The following ACOT6 variants were observed in gnomAD, a reference collection of about 807,000 sequenced individuals.
ACOT6 encodes the protein acyl-CoA thioesterase 6, also known as acyl-coenzyme A thioesterase 6.
In ACOT6, 14 loss-of-function variants were observed where a neutral mutation model predicts 12.3. That is an observed-to-expected ratio of 1.14 (90% CI 0.75 to 1.78). The LOEUF (loss-of-function observed/expected upper bound fraction) is 1.78. ACOT6 is among the 40% of genes most tolerant of loss of function. ACOT6 has a pLI of 0.00. For synonymous variants in ACOT6, 218 were observed against 231.3 expected, an observed-to-expected ratio of 0.94 and a Z score of 0.52; for missense variants, 523 against 551.8, an observed-to-expected ratio of 0.95 and a Z score of 0.52.
intron 1 of ACOT6, among the ~76,000 whole-genome samples, chr14:73,613,329 A>G (rs1044203643): frequency 6.6e-6 from 1 of 151,972 alleles, no homozygotes; most frequent in Non-Finnish European, 1.5e-5. Context: ...CACTTTAGCT[A>G]TGTGCTGAAT....
In ACOT6 at chr14:73,612,645, G is replaced by A. The variant is rs1477949708; in HGVS notation, c.74G>A (p.Gly25Asp). The change falls in exon 1 of 3, where the codon GGC becomes GAC. Residue 25 changes from glycine to aspartate, a missense_variant. By Grantham distance (94) the Gly-to-Asp change is moderately conservative (BLOSUM62 -1). This residue lies in a region of ACOT6 where 304 missense variants were observed against 274.8 expected (regional missense o/e 1.11). Transcript: ENST00000645972. ...WDEPLRIAVR[G>D]LAPEQPVTLR... ...GAGCCGCTGCGCATCGCAGTGCGCG[G>A]CCTGGCCCCGGAGCAGCCAGTCACG... is the stretch of plus-strand genomic sequence containing the variant. 3 of 1,404,782 alleles carry A rather than the reference G, an allele frequency of 2.1e-6. No individual in the cohort carries two copies. The highest frequency in any genetic ancestry group is 3.0e-5 in the African/African-American group (2 of 66,466). 87.0% of individuals were successfully genotyped at this position (1,404,782 alleles called of 1,614,324 possible).
At chr14:73,617,988 C>CA (rs1740127159) in intron 2 of ACOT6, among the ~76,000 whole-genome samples, 5 of 151,642 alleles carry the variant, frequency 3.3e-5, no homozygotes. Flanking sequence ...ACTAAAGATA[C>CA]AAAAATTAGC....
chr14:73,615,413 AAC>A (rs1566870610), intron 1 of ACOT6, among the ~76,000 whole-genome samples: 978 of 77,170 alleles, frequency 0.013, 179 homozygotes, highest in African/African-American at 0.032. Flanking sequence ...AAAAACAAAA[AAC>A]AAAAAAAACC....
rs1190473357 is a variant in ACOT6 at position 73,615,397 on chromosome 14, AAAAAAAAAAACAAAAAAC to A, written c.462-1588_462-1571del. Among the ~76,000 whole-genome samples the A allele has an allele frequency of 6.4e-5, 9 of 141,686 alleles. 1 individual carries two copies. Among genetic ancestry groups the A allele is most frequent in the South Asian group, 2.4e-4 (1 of 4,158 alleles). 93.0% of individuals were successfully genotyped at this position (141,686 alleles called of 152,430 possible). On this transcript the variant is annotated intron_variant, in intron 1 of 2. Transcript: ENST00000645972. ...GAGAGACTCTGTCTGATAAAAAAAAAAAAAAAAAAACAAAAAACAAAAAAAACCAGCAACAACGAAAAA... is the reference window on the plus strand; with the variant it reads ...GAGAGACTCTGTCTGATAAAAAAAAAAAAAAAAACCAGCAACAACGAAAAA...
At chr14:73,613,776 A>G (rs1890488354) in intron 1 of ACOT6, among the ~76,000 whole-genome samples, 1 of 152,196 alleles carries the variant, frequency 6.6e-6, no homozygotes, top group African/African-American at 2.4e-5. Context: ...TGTCTGTACT[A>G]CTGAGGTTGA....
chr14:73,616,407 T>C, intron 1 of ACOT6, among the ~76,000 whole-genome samples: 1 of 151,876 alleles, frequency 6.6e-6, no homozygotes, highest in Non-Finnish European at 1.5e-5. Flanking sequence ...ATTAAAAAGT[T>C]TTAGGCCGGT....
chr14:73,611,276 G>A (rs1182860677), upstream of ACOT6, among the ~76,000 whole-genome samples: 1 of 152,204 alleles, frequency 6.6e-6, no homozygotes, highest in African/African-American at 2.4e-5. Flanking sequence ...TTTGGCCAAA[G>A]AGAGGCATTA....
chr14:73,612,874 CT>C lies in ACOT6; in HGVS notation c.305del (p.Phe102SerfsTer99). The C allele has an allele frequency of 7.1e-7, 1 of 1,401,356 alleles. No individual in the cohort carries two copies. Among genetic ancestry groups the C allele is most frequent in the Non-Finnish European group, 9.5e-7 (1 of 1,049,228 alleles). 86.8% of individuals were successfully genotyped at this position (1,401,356 alleles called of 1,614,324 possible). A position where few individuals can be genotyped will look rare whatever the true frequency, so the allele number is the denominator to read the frequency against. ...RLVKRDVRTP[F>X]AVELEVLDGH... Reference sequence around the variant, plus strand: ...TGGTGAAGCGCGACGTGCGGACGCCCTTCGCCGTGGAGCTGGAAGTGCTGGA... The same window carrying C: ...TGGTGAAGCGCGACGTGCGGACGCCCTCGCCGTGGAGCTGGAAGTGCTGGA... On this transcript the variant is annotated frameshift_variant, in exon 1 of 3. Coordinates refer to ENST00000645972, the MANE Select transcript of ACOT6 (RefSeq NM_001365788.1). LOFTEE classifies it high-confidence loss of function.
At chr14:73,611,951 G>A (rs1375467415), upstream of ACOT6, among the ~76,000 whole-genome samples, 1 of 151,976 alleles carries the variant, frequency 6.6e-6, no homozygotes, top group Non-Finnish European at 1.5e-5. Flanking sequence ...CTAGATTCTT[G>A]GACTGTATCT....
Position 73,612,667 on chromosome 14 carries a change from C to CAA in ACOT6, c.97_98insAA (p.Thr33LysfsTer63), listed in dbSNP as rs1890466287. 1.4e-6 allele frequency: 2 copies of CAA among 1,412,672 alleles called. No individual in the cohort carries two copies. Among genetic ancestry groups the CAA allele is most frequent in the South Asian group, 1.5e-5 (1 of 67,382 alleles). The allele number at this position is 1,412,672 out of a possible 1,614,324, so 87.5% of individuals were successfully genotyped here. A position where few individuals can be genotyped will look rare whatever the true frequency, so the allele number is the denominator to read the frequency against. On this transcript the variant is annotated frameshift_variant, in exon 1 of 3. Transcript: ENST00000645972. LOFTEE classifies it high-confidence loss of function. Reference sequence around the variant, plus strand: ...GCGGCCTGGCCCCGGAGCAGCCAGTCACGCTGCGCACGTCCCTGCGCGACG... The same window carrying CAA: ...GCGGCCTGGCCCCGGAGCAGCCAGTCAAACGCTGCGCACGTCCCTGCGCGACG...
rs893042104 is a variant in ACOT6, at chr14:73,616,997, G to C, written c.465G>C (p.Gly155=). 20 of 691,272 alleles carry C rather than the reference G, an allele frequency of 2.9e-5. No homozygotes were observed. In the Admixed American group the frequency reaches 3.4e-4, roughly 12 times the overall value. The allele number at this position is 691,272 out of a possible 1,614,324, so 42.8% of individuals were successfully genotyped here. Residue 155 remains glycine (G), a synonymous_variant, in exon 2 of 3, where the codon GGG becomes GGC. Transcript: ENST00000645972. ...RAALFLPPDE[G]PFPGIIDLFG... The stretch of plus-strand genomic sequence containing the variant: ...ATTTGTGATGTTCTCCAGGCAGGGG[G>C]CCCTTTCCTGGGATCATTGATCTGT...
At chr14:73,614,955 G>A (rs576436675) in intron 1 of ACOT6, among the ~76,000 whole-genome samples, 1 of 151,548 alleles carries the variant, frequency 6.6e-6, no homozygotes, top group South Asian at 2.1e-4. Flanking sequence ...AAGTTAGCCG[G>A]GCATGGTGGT....
chr14:73,616,404 A>C (rs1298322083), intron 1 of ACOT6, among the ~76,000 whole-genome samples: 1 of 151,964 alleles, frequency 6.6e-6, no homozygotes, highest in Non-Finnish European at 1.5e-5. Flanking sequence ...ATCATTAAAA[A>C]GTTTTAGGCC....
At chr14:73,615,928 AGGGGCCTAGCTACTTG>A (rs1890530100) in intron 1 of ACOT6, among the ~76,000 whole-genome samples, 1 of 152,068 alleles carries the variant, frequency 6.6e-6, no homozygotes, top group Admixed American at 6.6e-5. Context: ...AGCCAAGCAT[AGGGGCCTAGCTACTTG>A]GGAGGGTGGC....
chr14:73,613,116 C>T (rs768072827), intron 1 of ACOT6, 84 bp downstream of exon 1: 2 of 511,332 alleles, frequency 3.9e-6, no homozygotes, highest in African/African-American at 4.1e-5. Flanking sequence ...GTGGAACATC[C>T]CTGAACTTGT....
In ACOT6 at chr14:73,612,881, G is replaced by A. The variant is rs1221189313; in HGVS notation, c.310G>A (p.Val104Met). 2.1e-5 allele frequency: 30 copies of A among 1,396,486 alleles called. No individual in the cohort carries two copies. The highest frequency in any genetic ancestry group is 4.8e-5 in the Admixed American group (2 of 41,684). 86.5% of individuals were successfully genotyped at this position (1,396,486 alleles called of 1,614,324 possible). A position where few individuals can be genotyped will look rare whatever the true frequency, so the allele number is the denominator to read the frequency against. ...GCGCGACGTGCGGACGCCCTTCGCCGTGGAGCTGGAAGTGCTGGACGGCCA... is the reference window on the plus strand; with the variant it reads ...GCGCGACGTGCGGACGCCCTTCGCCATGGAGCTGGAAGTGCTGGACGGCCA... ...VKRDVRTPFAVELEVLDGHDT... is the reference protein window; with the variant it reads ...VKRDVRTPFAMELEVLDGHDT... The change falls in exon 1 of 3, where the codon GTG (valine) becomes ATG (methionine). Residue 104 changes from valine (V) to methionine (M), a missense_variant. Val to Met is a conservative substitution (Grantham distance 21). Coordinates refer to ENST00000645972, the MANE Select transcript of ACOT6 (RefSeq NM_001365788.1).
rs531345487 is a variant in ACOT6 at position 73,615,076 on chromosome 14, A to G, written c.462-1918A>G. Among the ~76,000 whole-genome samples, 10 of 138,000 alleles carry G rather than the reference A, an allele frequency of 7.2e-5. No homozygotes were observed. In the South Asian group the frequency reaches 2.5e-3, roughly 35 times the overall value. The allele number at this position is 138,000 out of a possible 152,430, so 90.5% of individuals were successfully genotyped here. On this transcript the variant is annotated intron_variant, in intron 1 of 2. Transcript: ENST00000645972. ...TGCACTCCAGCCTGGAGGACAGAGC[A>G]AGACTCCATCTCAAAAAAAAAAACA...
chr14:73,615,408 C>A (rs59033544), intron 1 of ACOT6, among the ~76,000 whole-genome samples: 12,336 of 49,868 alleles, frequency 0.25, 2,090 homozygotes, highest in East Asian at 0.56. Flanking sequence ...AAAAAAAAAA[C>A]AAAAAACAAA....
At position 73,619,586 on chromosome 14, in the gene ACOT6, C is replaced by A. The variant is rs754191972; in HGVS notation, c.1013C>A (p.Ala338Asp). 6.2e-7 allele frequency: 1 copy of A among 1,614,074 alleles called. No homozygotes were observed. Among genetic ancestry groups the A allele is most frequent in the East Asian group, 2.2e-5 (1 of 44,896 alleles). Reference protein sequence around the residue: ...SWKSEFYAQIASERLQAHGKE... With the variant: ...SWKSEFYAQIDSERLQAHGKE... Reference sequence around the variant, plus strand: ...AAGAGTGAATTCTATGCTCAGATAGCCTCTGAAAGGCTACAAGCTCATGGG... The same window carrying A: ...AAGAGTGAATTCTATGCTCAGATAGACTCTGAAAGGCTACAAGCTCATGGG... Residue 338 changes from alanine (A) to aspartate (D), a missense_variant, in exon 3 of 3, where the codon GCC (alanine) becomes GAC (aspartate). Transcript: ENST00000645972.
Sources: allele counts gnomAD v4.1 joint callset (sites outside exome capture counted in the v4.1 genomes callset), GRCh38; gene constraint gnomAD v4.1.1; regional missense constraint gnomAD v4.1.1; transcripts MANE v1.5; gene names NCBI Gene and HGNC (gene_info 2026-07-23, HGNC 2026-07-21).